Variants in CNTN5 observed in about 807,000 individuals in gnomAD.
The protein encoded by CNTN5 is contactin-5.
In CNTN5, 77 loss-of-function variants were observed where a neutral mutation model predicts 129.1. The observed-to-expected ratio is 0.60, with a 90% CI of 0.50 to 0.72. The LOEUF (loss-of-function observed/expected upper bound fraction) is 0.72. Among genes scored for constraint, CNTN5 ranks in the 30% least tolerant of loss-of-function variants. The probability of loss-of-function intolerance (pLI) is 0.00; values close to 1 mark genes in which losing one functional copy is unlikely to be tolerated. For synonymous variants in CNTN5, 509 were observed against 465.6 expected (o/e 1.09, Z -1.20); for missense variants, 1,478 against 1,328.8 (o/e 1.11, Z -1.75).
chr11:100,334,104 CA>C (rs1231040889), intron 21 of CNTN5, among the ~76,000 whole-genome samples: 1 of 151,972 alleles, frequency 6.6e-6, no homozygotes, highest in East Asian at 1.9e-4. Flanking sequence ...ACGATCCCAT[CA>C]AAAAGTGGGC....
chr11:99,525,701 C>T (rs1947458455), intron 2 of CNTN5, among the ~76,000 whole-genome samples: 1 of 152,140 alleles, frequency 6.6e-6, no homozygotes, highest in South Asian at 2.1e-4. Flanking sequence ...TTTAAGAAAG[C>T]AAAAGGAAGA....
At chr11:99,777,616 GT>G (rs1004669442) in intron 3 of CNTN5, among the ~76,000 whole-genome samples, 1 of 151,736 alleles carries the variant, frequency 6.6e-6, no homozygotes, top group East Asian at 1.9e-4. Context: ...GTTCTTGACA[GT>G]TTTTTTCTGT....
At chr11:99,923,388 G>T (rs955532471) in intron 7 of CNTN5, among the ~76,000 whole-genome samples, 3 of 152,216 alleles carry the variant, frequency 2.0e-5, no homozygotes, top group Admixed American at 1.3e-4. Context: ...GTAAAGGAAG[G>T]CTTTGTGAAA....
intron 1 of CNTN5, among the ~76,000 whole-genome samples, chr11:99,118,076 A>C (rs1858126103): frequency 6.6e-6 from 1 of 152,178 alleles, no homozygotes; most frequent in Non-Finnish European, 1.5e-5. Context: ...ATATATATAC[A>C]CAAACACTAT....
intron 3 of CNTN5, among the ~76,000 whole-genome samples, chr11:99,781,484 T>C (rs921518552): frequency 1.3e-5 from 2 of 152,108 alleles, no homozygotes; most frequent in Non-Finnish European, 2.9e-5. Context: ...TCTTCATGAA[T>C]GTCTTCTTAA....
At chr11:100,108,945 A>G (rs372355776) in intron 13 of CNTN5, among the ~76,000 whole-genome samples, 19 of 152,220 alleles carry the variant, frequency 1.2e-4, no homozygotes, top group African/African-American at 4.6e-4. Context: ...AGCTGGCTCT[A>G]GAAAAAATGC....
intron 8 of CNTN5, among the ~76,000 whole-genome samples, chr11:99,998,113 C>T (rs1207922605): frequency 6.6e-6 from 1 of 151,824 alleles, no homozygotes; most frequent in Non-Finnish European, 1.5e-5. Context: ...GATGCCCTCT[C>T]TCACCACTCC....
At chr11:99,317,707 A>T (rs1324657112) in intron 1 of CNTN5, among the ~76,000 whole-genome samples, 3 of 152,152 alleles carry the variant, frequency 2.0e-5, no homozygotes, top group Non-Finnish European at 4.4e-5. Flanking sequence ...CTTCTTTATG[A>T]TTTTAGCGTT....
intron 3 of CNTN5, among the ~76,000 whole-genome samples, chr11:99,737,636 C>T (rs1169198245): frequency 6.6e-6 from 1 of 152,100 alleles, no homozygotes; most frequent in Non-Finnish European, 1.5e-5. Flanking sequence ...TTCCAAATAA[C>T]TGTAATTTGA....
chr11:100,085,095 T>G (rs2137954960), intron 13 of CNTN5, among the ~76,000 whole-genome samples: 1 of 152,060 alleles, frequency 6.6e-6, no homozygotes, highest in East Asian at 1.9e-4. Context: ...TAAATAATTT[T>G]GGGGAGAGAA....
intron 6 of CNTN5, among the ~76,000 whole-genome samples, chr11:99,889,294 GTGTGTGTGTGT>G (rs1565642529): frequency 0.31 from 1,508 of 4,808 alleles, 15 homozygotes; most frequent in Middle Eastern, 0.4. Context: ...CAGAGCAGGT[GTGTGTGTGTGT>G]GTGTGTGTGT....
chr11:99,425,643 G>C (rs1943086566), intron 2 of CNTN5, among the ~76,000 whole-genome samples: 1 of 152,258 alleles, frequency 6.6e-6, no homozygotes. Context: ...AGCAGAGAAA[G>C]AGGCCAGAGA....
At chr11:99,240,986 A>G (rs1319447907) in intron 1 of CNTN5, among the ~76,000 whole-genome samples, 1 of 152,214 alleles carries the variant, frequency 6.6e-6, no homozygotes, top group Non-Finnish European at 1.5e-5. Flanking sequence ...TAAGTTAGTA[A>G]TTACTCTAAA....
intron 3 of CNTN5, among the ~76,000 whole-genome samples, chr11:99,672,152 C>A (rs1035328126): frequency 6.6e-6 from 1 of 152,108 alleles, no homozygotes; most frequent in African/African-American, 2.4e-5. Flanking sequence ...TAATTTCACC[C>A]TCTTCGAAAA....
At chr11:100,147,681 TTA>T (rs1257997281) in intron 13 of CNTN5, among the ~76,000 whole-genome samples, 15 of 151,896 alleles carry the variant, frequency 9.9e-5, no homozygotes, top group Admixed American at 9.9e-4. Flanking sequence ...TTTCCTTCTA[TTA>T]TATGTCTTCA....
intron 1 of CNTN5, among the ~76,000 whole-genome samples, chr11:99,251,881 GAT>G (rs1862125060): frequency 6.6e-6 from 1 of 151,912 alleles, no homozygotes; most frequent in African/African-American, 2.4e-5. Flanking sequence ...CAGTGAGAGA[GAT>G]AAATATGATA....
At chr11:100,134,697 T>A (rs963244912) in intron 13 of CNTN5, among the ~76,000 whole-genome samples, 5 of 152,154 alleles carry the variant, frequency 3.3e-5, no homozygotes, top group Non-Finnish European at 5.9e-5. Flanking sequence ...TGATCATCCA[T>A]CAGCCTTAAA....
chr11:99,031,670 C>A (rs1863379799), intron 1 of CNTN5, among the ~76,000 whole-genome samples: 1 of 151,700 alleles, frequency 6.6e-6, no homozygotes, highest in Non-Finnish European at 1.5e-5. Context: ...TGATATTTCA[C>A]CTGAAACAAA....
At chr11:99,489,256 C>T (rs1219678395) in intron 2 of CNTN5, among the ~76,000 whole-genome samples, 1 of 152,060 alleles carries the variant, frequency 6.6e-6, no homozygotes, top group Non-Finnish European at 1.5e-5. Flanking sequence ...GTTTAAGTGG[C>T]ATTCAGGTGA....
Sources: allele counts gnomAD v4.1 joint callset (sites outside exome capture counted in the v4.1 genomes callset), GRCh38; gene constraint gnomAD v4.1.1; transcripts MANE v1.5; gene names NCBI Gene and HGNC (gene_info 2026-07-23, HGNC 2026-07-21).